ABCC8: variants seen among roughly 807,000 people sequenced by gnomAD.
ABCC8 encodes ATP-binding cassette sub-family C member 8.
A neutral mutation model predicts 188.0 loss-of-function variants in ABCC8; 137 were observed. The observed-to-expected ratio is 0.73, with a 90% CI of 0.63 to 0.84. ABCC8 has a LOEUF of 0.84. Among genes scored for constraint, ABCC8 ranks in the 40% least tolerant of loss-of-function variants. ABCC8 has a pLI of 0.00. For missense variants in ABCC8, 1,750 were observed against 2,072.7 expected, an observed-to-expected ratio of 0.84 and a Z score of 3.02; for synonymous variants, 797 against 846.5, an observed-to-expected ratio of 0.94 and a Z score of 1.01.
rs201907204 is a variant in ABCC8 at position 17,460,676 on chromosome 11, G to A, written c.823C>T (p.Arg275Trp). The A allele has an allele frequency of 1.9e-5, 30 of 1,607,268 alleles. No homozygotes were observed. The highest frequency in any genetic ancestry group is 4.0e-5 in the African/African-American group (3 of 75,010). Residue 275 changes from arginine (R) to tryptophan (W), a missense_variant and splice_region_variant, in exon 6 of 39, where the codon CGG becomes TGG. By Grantham distance (101) the Arg-to-Trp change is moderately radical. Coordinates refer to ENST00000389817, the MANE Select transcript of ABCC8 (RefSeq NM_000352.6). ...RLCEAFDAQV[R>W]KDIQGTQGAR... ...CCTTGAGTGCCCTGAATGTCCTTCC[G>A]CTGCCCAGAGAGACCATGGCCAGGT...
intron 10 of ABCC8, among the ~76,000 whole-genome samples, chr11:17,439,579 C>G (rs1956233638): frequency 6.6e-6 from 1 of 152,104 alleles, no homozygotes; most frequent in Non-Finnish European, 1.5e-5. Context: ...GTACCCTGCA[C>G]CCTACCACCC....
chr11:17,461,171 T>A, intron 5 of ABCC8: 1 of 341,376 alleles, frequency 2.9e-6, no homozygotes, highest in East Asian at 7.7e-5. Context: ...GATTCCTGTC[T>A]GGCTCAACTC....
At chr11:17,434,599 C>T (rs189164884) in intron 10 of ABCC8, among the ~76,000 whole-genome samples, 6 of 152,274 alleles carry the variant, frequency 3.9e-5, no homozygotes, top group Admixed American at 3.3e-4. Context: ...GTGCATCAGC[C>T]GTGGGGGAGA....
At chr11:17,399,412 T>C (rs1954123363) in intron 29 of ABCC8, among the ~76,000 whole-genome samples, 1 of 150,150 alleles carries the variant, frequency 6.7e-6, no homozygotes, top group African/African-American at 2.4e-5. Flanking sequence ...CTGCAGCCAC[T>C]CAGCTTTTTA....
chr11:17,422,352 T>C (rs1256209507), intron 16 of ABCC8, among the ~76,000 whole-genome samples: 3 of 152,158 alleles, frequency 2.0e-5, no homozygotes, highest in Non-Finnish European at 2.9e-5. Context: ...CTCTCCCCAG[T>C]CCATCATCCT....
chr11:17,420,112 A>C (rs146899577), intron 16 of ABCC8, among the ~76,000 whole-genome samples: 69 of 152,316 alleles, frequency 4.5e-4, no homozygotes, highest in Non-Finnish European at 8.1e-4. Flanking sequence ...AATAAATAAA[A>C]AGGGAAGAAG....
intron 21 of ABCC8, among the ~76,000 whole-genome samples, chr11:17,412,084 G>C (rs12280281): frequency 0.14 from 21,052 of 151,888 alleles, 1,937 homozygotes; most frequent in African/African-American, 0.25. Flanking sequence ...AGTAGAGACG[G>C]GGTTTCACCG....
chr11:17,428,288 C>T lies in ABCC8; in HGVS notation c.2040+1G>A. On this transcript the variant is annotated splice_donor_variant, in intron 14 of 38. Transcript: ENST00000389817. LOFTEE classifies it high-confidence loss of function. ...GCCAGGCATGGGGCAGCAGGACTCA[C>T]CTGGACACAGCAGTTGTCAGCATCG... 1 of 1,614,130 alleles carries T rather than the reference C, an allele frequency of 6.2e-7. No individual in the cohort carries two copies. The highest frequency in any genetic ancestry group is 8.5e-7 in the Non-Finnish European group (1 of 1,180,042).
At chr11:17,395,122 AG>A (rs748800266) in intron 36 of ABCC8, 49 bp downstream of exon 36, 4 of 1,550,384 alleles carry the variant, frequency 2.6e-6, no homozygotes, top group Non-Finnish European at 3.5e-6. Context: ...CCATCCTTAC[AG>A]GGTCCTTGAG....
chr11:17,460,725 C>A lies in ABCC8; in HGVS notation c.823-49G>T, dbSNP rs146679656. On this transcript the variant is annotated intron_variant, in intron 5 of 38. Coordinates refer to ENST00000389817, the MANE Select transcript of ABCC8 (RefSeq NM_000352.6). ...GTCAGAGTGCCTGAGGGCTAATTCACGGCTGGGCCTAGCCTCCCAGGATGC... is the reference window on the plus strand; with the variant it reads ...GTCAGAGTGCCTGAGGGCTAATTCAAGGCTGGGCCTAGCCTCCCAGGATGC... 5.0e-6 allele frequency: 8 copies of A among 1,599,034 alleles called. No individual in the cohort carries two copies. In the African/African-American group the frequency reaches 9.4e-5, roughly 19 times the overall value.
intron 10 of ABCC8, chr11:17,435,699 C>A (rs1339382334): frequency 2.2e-6 from 3 of 1,381,034 alleles, no homozygotes; most frequent in Non-Finnish European, 3.1e-6. Flanking sequence ...CTACAGAGGA[C>A]AGTACAGTAA....
chr11:17,442,617 G>C, intron 10 of ABCC8, 103 bp downstream of exon 10: 1 of 1,171,766 alleles, frequency 8.5e-7, no homozygotes, highest in Non-Finnish European at 1.3e-6. Flanking sequence ...TAATCTCAAG[G>C]CCTCCTGCTT....
chr11:17,442,886 C>G lies in ABCC8; in HGVS notation c.1468-4G>C. 9 of 1,611,610 alleles carry G rather than the reference C, an allele frequency of 5.6e-6. No homozygotes were observed. In the South Asian group the frequency reaches 9.9e-5, roughly 18 times the overall value. On this transcript the variant is annotated splice_region_variant and splice_polypyrimidine_tract_variant and intron_variant, in intron 9 of 38. Transcript: ENST00000389817. ...TCAGCCGCTCATTGGAATACTCCTG[C>G]AGGGGTCCCCGAGTCAGAGGGGAGA...
chr11:17,413,573 C>T, intron 19 of ABCC8, 95 bp from the exon 20 acceptor site: 5 of 1,610,600 alleles, frequency 3.1e-6, no homozygotes, highest in Non-Finnish European at 4.2e-6. Flanking sequence ...GTAGCTATGC[C>T]CAGGGTGAGC....
intron 35 of ABCC8, 112 bp from the exon 36 acceptor site, chr11:17,395,387 A>G: frequency 6.5e-7 from 1 of 1,535,826 alleles, no homozygotes; most frequent in Non-Finnish European, 8.8e-7. Flanking sequence ...TCTGGCTGGG[A>G]GAAGCACCGA....
intron 1 of ABCC8, 27 bp downstream of exon 1, chr11:17,476,602 C>T (rs200981193): frequency 1.2e-6 from 2 of 1,608,030 alleles, no homozygotes; most frequent in Middle Eastern, 1.7e-4. Context: ...CCCGTCCCCT[C>T]CTCCGCGGCT....
chr11:17,415,837 G>GT (rs1955047221), intron 17 of ABCC8, among the ~76,000 whole-genome samples: 1 of 152,202 alleles, frequency 6.6e-6, no homozygotes, highest in African/African-American at 2.4e-5. Context: ...AGCTGCGAGG[G>GT]CTCCAGGCAT....
rs1237687512 is a variant in ABCC8 at position 17,397,245 on chromosome 11, C to G, written c.3936G>C (p.Lys1312Asn). 1 of 1,613,646 alleles carries G rather than the reference C, an allele frequency of 6.2e-7. No individual in the cohort carries two copies. Among genetic ancestry groups the G allele is most frequent in the Non-Finnish European group, 8.5e-7 (1 of 1,180,034 alleles). Residue 1312 changes from lysine (K) to asparagine (N), a missense_variant, in exon 32 of 39, where the codon AAG becomes AAC. By Grantham distance (94) the Lys-to-Asn change is moderately conservative (BLOSUM62 0). Transcript: ENST00000389817. ...ADMELQLGAV[K>N]RIHGLLKTEA... ...CGGTTTTCAGGAGCCCATGGATGCG[C>G]TTCACAGCCCCCAGCTGGAGCTCCA...
chr11:17,476,485 C>A (rs1403079397), intron 1 of ABCC8, 144 bp downstream of exon 1: 3 of 937,152 alleles, frequency 3.2e-6, no homozygotes, highest in African/African-American at 1.7e-5. Context: ...GACCGGCGGG[C>A]AGGACACAGG....
Sources: gnomAD v4.1 joint callset for allele counts (sites outside exome capture counted in the v4.1 genomes callset) on GRCh38, gnomAD v4.1.1 for gene constraint, MANE v1.5 for transcripts, NCBI Gene and HGNC (gene_info 2026-07-23, HGNC 2026-07-21) for gene names.